KLHL29: variants seen among roughly 807,000 people sequenced by gnomAD.
KLHL29 encodes the protein kelch-like protein 29.
Under a neutral mutation model 80.4 loss-of-function variants are expected in KLHL29, and 21 were observed. The ratio of observed to expected loss-of-function variants is 0.26; its 90% CI spans 0.19 to 0.38. The LOEUF is 0.38. Among genes scored for constraint, KLHL29 ranks in the 10% least tolerant of loss-of-function variants. The pLI is 1.00. For missense variants in KLHL29, 867 were observed against 1,223.9 expected (o/e 0.71, Z 4.35); for synonymous variants, 511 against 526.8 (o/e 0.97, Z 0.41).
chr2:23,403,328 T>A (rs1355511245), intron 1 of KLHL29, among the ~76,000 whole-genome samples: 1 of 152,188 alleles, frequency 6.6e-6, no homozygotes, highest in Non-Finnish European at 1.5e-5. Flanking sequence ...AAGAAATTTT[T>A]AAACTACCAG....
intron 1 of KLHL29, among the ~76,000 whole-genome samples, chr2:23,405,232 CT>C (rs35959303): frequency 6.6e-6 from 1 of 151,946 alleles, no homozygotes; most frequent in Non-Finnish European, 1.5e-5. Flanking sequence ...AAGGTAATAC[CT>C]TTTTTTCAAC....
rs1003209172 is a variant in KLHL29, at chr2:23,706,522, T to C, written c.2486T>C (p.Ile829Thr). ...LDGKIYATGG[I>T]VSSEGPALGN... ...GGCAAGATTTATGCAACTGGAGGTATTGTCAGCAGTGAAGGGCCCGCGCTG... is the reference window on the plus strand; with the variant it reads ...GGCAAGATTTATGCAACTGGAGGTACTGTCAGCAGTGAAGGGCCCGCGCTG... The change falls in exon 14 of 14, where the codon ATT becomes ACT. Residue 829 changes from isoleucine to threonine, a missense_variant. Around this residue, in one of 2 missense-constraint regions of KLHL29, gnomAD observed 443 missense variants for 767.0 expected, o/e 0.58. Coordinates refer to ENST00000486442, the MANE Select transcript of KLHL29 (RefSeq NM_052920.2). The C allele has an allele frequency of 5.2e-6, 8 of 1,535,484 alleles. No homozygotes were observed. Among genetic ancestry groups the C allele is most frequent in the South Asian group, 1.2e-5 (1 of 83,536 alleles).
chr2:23,399,499 A>G (rs1666535923), intron 1 of KLHL29, among the ~76,000 whole-genome samples: 2 of 152,240 alleles, frequency 1.3e-5, no homozygotes, highest in African/African-American at 2.4e-5. Context: ...TGTGTTTTAC[A>G]ATTTAGCAAC....
intron 1 of KLHL29, among the ~76,000 whole-genome samples, chr2:23,412,057 A>G (rs1666872894): frequency 6.8e-6 from 1 of 147,514 alleles, no homozygotes; most frequent in Admixed American, 6.9e-5. Context: ...TGTTGTGGGA[A>G]TGTGAGGTGG....
chr2:23,537,418 ACACACACACACACACACACACACAC>A (rs1394198840), intron 2 of KLHL29, among the ~76,000 whole-genome samples: 1 of 468 alleles, frequency 2.1e-3, no homozygotes, highest in African/African-American at 6.8e-3. Context: ...GGCAGAAACT[ACACACACACACACACACACACACAC>A]ACACACACAC....
chr2:23,611,541 T>C (rs182393318), intron 3 of KLHL29, among the ~76,000 whole-genome samples: 3 of 152,190 alleles, frequency 2.0e-5, no homozygotes, highest in Non-Finnish European at 4.4e-5. Context: ...ACAAATAATC[T>C]TAGGAGAAAG....
intron 3 of KLHL29, among the ~76,000 whole-genome samples, chr2:23,601,916 G>T (rs750868722): frequency 5.3e-5 from 8 of 152,230 alleles, no homozygotes; most frequent in African/African-American, 9.6e-5. Context: ...GGAGGGCTCA[G>T]TTAATAGCTG....
chr2:23,511,942 C>G (rs990759093), intron 2 of KLHL29, among the ~76,000 whole-genome samples: 1 of 151,992 alleles, frequency 6.6e-6, no homozygotes, highest in Non-Finnish European at 1.5e-5. Flanking sequence ...ACCTGTCTTC[C>G]GATACACATA....
At chr2:23,656,541 G>A (rs775596589) in intron 5 of KLHL29, among the ~76,000 whole-genome samples, 1 of 152,228 alleles carries the variant, frequency 6.6e-6, no homozygotes, top group Non-Finnish European at 1.5e-5. Context: ...TATCTGCAAG[G>A]CCCCTTAGGG....
intron 5 of KLHL29, among the ~76,000 whole-genome samples, chr2:23,664,998 G>A (rs954809614): frequency 6.6e-6 from 1 of 152,074 alleles, no homozygotes. Flanking sequence ...CTTTAAAAGT[G>A]CACAGAGATA....
intron 3 of KLHL29, among the ~76,000 whole-genome samples, chr2:23,612,867 T>C (rs1668902129): frequency 6.6e-6 from 1 of 151,768 alleles, no homozygotes; most frequent in Non-Finnish European, 1.5e-5. Context: ...CAACAAAAAA[T>C]GTAAAAATAA....
intron 1 of KLHL29, among the ~76,000 whole-genome samples, chr2:23,474,277 T>C (rs1664571955): frequency 6.6e-6 from 1 of 152,236 alleles, no homozygotes; most frequent in Admixed American, 6.5e-5. Flanking sequence ...AATGAATGAA[T>C]GAATGAGATT....
intron 3 of KLHL29, among the ~76,000 whole-genome samples, chr2:23,581,326 T>C (rs759275326): frequency 2.0e-5 from 3 of 152,246 alleles, no homozygotes; most frequent in Non-Finnish European, 2.9e-5. Context: ...TTCTCTTTCA[T>C]GTATTCATTC....
intron 2 of KLHL29, among the ~76,000 whole-genome samples, chr2:23,529,235 A>G (rs1428188511): frequency 6.6e-6 from 1 of 152,128 alleles, no homozygotes; most frequent in African/African-American, 2.4e-5. Context: ...TCAGCCTCCC[A>G]AGTAGCTGGG....
intron 5 of KLHL29, among the ~76,000 whole-genome samples, chr2:23,663,194 T>C (rs1670462941): frequency 6.6e-6 from 1 of 152,190 alleles, no homozygotes; most frequent in African/African-American, 2.4e-5. Context: ...TGGAGTGAGA[T>C]AGATGGTTGC....
rs1283233317 is a variant in KLHL29 at position 23,700,509 on chromosome 2, C to T, written c.2106-2677C>T. ...CTCTTTCCAACTCCATGTTCAGCAACATCCCTATGGTAGCTTGAAATCAGC... is the reference window on the plus strand; with the variant it reads ...CTCTTTCCAACTCCATGTTCAGCAATATCCCTATGGTAGCTTGAAATCAGC... On this transcript the variant is annotated intron_variant, in intron 11 of 13. Transcript: ENST00000486442. This position sits in a 1 kb window ranked among gnomAD's most constrained non-coding sequence, Gnocchi z 4.6. Among the ~76,000 whole-genome samples the T allele has an allele frequency of 6.6e-6, 1 of 152,172 alleles. No homozygotes were observed. Among genetic ancestry groups the T allele is most frequent in the Non-Finnish European group, 1.5e-5 (1 of 68,044 alleles).
At chr2:23,504,533 A>G (rs1265781516) in intron 2 of KLHL29, among the ~76,000 whole-genome samples, 5 of 152,178 alleles carry the variant, frequency 3.3e-5, no homozygotes, top group Non-Finnish European at 7.3e-5. Flanking sequence ...GTTAAGTCCC[A>G]GTGTTTCCAG....
intron 1 of KLHL29, among the ~76,000 whole-genome samples, chr2:23,422,003 G>A (rs1330618449): frequency 6.6e-6 from 1 of 151,416 alleles, no homozygotes. Context: ...GTCTCTGTCA[G>A]TGTATCTGTG....
At chr2:23,492,546 C>T (rs1479063434) in intron 2 of KLHL29, among the ~76,000 whole-genome samples, 1 of 152,160 alleles carries the variant, frequency 6.6e-6, no homozygotes, top group East Asian at 1.9e-4. Context: ...CCTGGTGGGC[C>T]GTGACTTTAA....
Sources: allele counts gnomAD v4.1 joint callset (sites outside exome capture counted in the v4.1 genomes callset), GRCh38; gene constraint gnomAD v4.1.1; regional missense constraint gnomAD v4.1.1; non-coding constraint Gnocchi (gnomAD v3.1); transcripts MANE v1.5; gene names NCBI Gene and HGNC (gene_info 2026-07-23, HGNC 2026-07-21).